Variants in ADRA1B observed in about 807,000 individuals in gnomAD.
ADRA1B encodes adrenoceptor alpha 1B.
In ADRA1B, 17 loss-of-function variants were observed where a neutral mutation model predicts 17.9. That is an observed-to-expected ratio of 0.95 (90% CI 0.65 to 1.42). The LOEUF (loss-of-function observed/expected upper bound fraction) is 1.42. Ranked by LOEUF, ADRA1B falls within the 40% of genes most tolerant of loss-of-function variation. The probability of loss-of-function intolerance (pLI) is 0.00; values close to 1 mark genes in which losing one functional copy is unlikely to be tolerated. For synonymous variants in ADRA1B, 366 were observed against 327.6 expected (o/e 1.12, Z -1.27); for missense variants, 681 against 722.1 (o/e 0.94, Z 0.65).
At chr5:159,904,343 C>T (rs57791007) in intron 1 of ADRA1B, among the ~76,000 whole-genome samples, 14,050 of 152,208 alleles carry the variant, frequency 0.092, 942 homozygotes, top group African/African-American at 0.19. Flanking sequence ...ATTCTAAATG[C>T]CTCTCTCCTA....
intron 1 of ADRA1B, among the ~76,000 whole-genome samples, chr5:159,954,781 C>T (rs1258292024): frequency 2.0e-5 from 3 of 152,270 alleles, no homozygotes; most frequent in East Asian, 3.9e-4. Context: ...ATCCAAGCTA[C>T]CATATGTAGC....
At chr5:159,949,301 C>T (rs776243682) in intron 1 of ADRA1B, among the ~76,000 whole-genome samples, 2 of 152,156 alleles carry the variant, frequency 1.3e-5, no homozygotes, top group Non-Finnish European at 2.9e-5. Flanking sequence ...AGCTCATTCA[C>T]GCTTTTAGAG....
chr5:159,983,801 C>T, the ADRA1B span, among the ~76,000 whole-genome samples: 1 of 152,088 alleles, frequency 6.6e-6, no homozygotes, highest in Non-Finnish European at 1.5e-5. Context: ...TTTTCTTCCT[C>T]TGTTGACCCA....
chr5:159,866,613 G>A (rs1231719312), intron 1 of ADRA1B, among the ~76,000 whole-genome samples: 2 of 150,028 alleles, frequency 1.3e-5, no homozygotes, highest in African/African-American at 4.9e-5. Flanking sequence ...AAAAAAGATA[G>A]TAATGGTACT....
intron 1 of ADRA1B, among the ~76,000 whole-genome samples, chr5:159,959,866 CCAGAAGTATTCT>C (rs1440858170): frequency 6.6e-6 from 1 of 151,518 alleles, no homozygotes; most frequent in African/African-American, 2.4e-5. Context: ...CTTCCCCACC[CCAGAAGTATTCT>C]CAGAGTTTAG....
chr5:159,868,587 G>A (rs1050023408), intron 1 of ADRA1B: 2 of 152,182 alleles, frequency 1.3e-5, no homozygotes, highest in Non-Finnish European at 2.9e-5. Context: ...ATTCAGAAAC[G>A]ATTTGGTGGA....
intron 1 of ADRA1B, among the ~76,000 whole-genome samples, chr5:159,919,080 A>G (rs1395167570): frequency 6.6e-6 from 1 of 152,248 alleles, no homozygotes; most frequent in African/African-American, 2.4e-5. Flanking sequence ...ACAGAAAGGA[A>G]GCAAACAGAT....
chr5:159,894,321 G>A (rs1003843961), intron 1 of ADRA1B, among the ~76,000 whole-genome samples: 3 of 152,210 alleles, frequency 2.0e-5, no homozygotes, highest in African/African-American at 7.2e-5. Flanking sequence ...TAACTAAAAC[G>A]CTTGTCACCA....
rs1207783607 is a variant in ADRA1B, at chr5:159,972,955, G to C, written c.*463G>C. Among the ~76,000 whole-genome samples, 1 of 152,196 alleles carries C rather than the reference G, an allele frequency of 6.6e-6. No homozygotes were observed. On this transcript the variant is annotated 3_prime_UTR_variant, in exon 2 of 2. Coordinates refer to ENST00000306675, the MANE Select transcript of ADRA1B (RefSeq NM_000679.4). ...AAGCCCCTCCTTGTACTTCACTGAA[G>C]GATGGCACTTTGGTGGGGTTGGAAA... is the stretch of plus-strand genomic sequence containing the variant.
chr5:159,951,609 A>G, intron 1 of ADRA1B: 1 of 411,406 alleles, frequency 2.4e-6, no homozygotes, highest in Non-Finnish European at 4.6e-6. Context: ...TGGATAGACG[A>G]GACCACTGTG....
chr5:159,986,812 G>A, the ADRA1B span, among the ~76,000 whole-genome samples: 671 of 152,212 alleles, frequency 4.4e-3, 5 homozygotes, highest in African/African-American at 0.016. Flanking sequence ...TAATTCCAGG[G>A]GCATGGGTGA....
the ADRA1B span, among the ~76,000 whole-genome samples, chr5:159,984,649 G>A: frequency 6.6e-6 from 1 of 151,980 alleles, no homozygotes; most frequent in South Asian, 2.1e-4. Context: ...TGTAATCCTA[G>A]CACTTTGAGA....
the ADRA1B span, among the ~76,000 whole-genome samples, chr5:159,979,932 A>T: frequency 3.4e-3 from 514 of 152,024 alleles, 6 homozygotes; most frequent in Middle Eastern, 0.017. Flanking sequence ...ACAAAGCATG[A>T]TGAGGAAGAG....
rs10522262 is a variant in ADRA1B at position 159,963,288 on chromosome 5, G to GTATATATATATATATATATATATATA, written c.950-8570_950-8569insATATATATATATATATATATATATAT. Reference sequence around the variant, plus strand: ...ACTTGACAGTGAATAAACAAAAAAAGTATATATATATATATATATATCCAC... The same window carrying GTATATATATATATATATATATATATA: ...ACTTGACAGTGAATAAACAAAAAAAGTATATATATATATATATATATATATATATATATATATATATATATATCCAC... On this transcript the variant is annotated intron_variant, in intron 1 of 1. Coordinates refer to ENST00000306675, the MANE Select transcript of ADRA1B (RefSeq NM_000679.4). Among the ~76,000 whole-genome samples, 189 of 132,616 alleles carry GTATATATATATATATATATATATATA rather than the reference G, an allele frequency of 1.4e-3. 1 individual carries two copies. The highest frequency in any genetic ancestry group is 3.9e-3 in the Middle Eastern group (1 of 254). The allele number at this position is 132,616 out of a possible 152,430, so 87.0% of individuals were successfully genotyped here.
At chr5:159,904,083 T>C (rs751928660) in intron 1 of ADRA1B, among the ~76,000 whole-genome samples, 2 of 152,228 alleles carry the variant, frequency 1.3e-5, no homozygotes, top group Non-Finnish European at 2.9e-5. Flanking sequence ...TCATTTTGTA[T>C]GTCTTTCCAT....
At chr5:159,952,291 C>A (rs922082847) in intron 1 of ADRA1B, among the ~76,000 whole-genome samples, 1 of 152,004 alleles carries the variant, frequency 6.6e-6, no homozygotes, top group South Asian at 2.1e-4. Context: ...AAATTAGGCA[C>A]AGTATGAGGT....
intron 1 of ADRA1B, among the ~76,000 whole-genome samples, chr5:159,894,589 G>C (rs1391433665): frequency 6.6e-6 from 1 of 151,392 alleles, no homozygotes; most frequent in Non-Finnish European, 1.5e-5. Flanking sequence ...TGCCGAACTT[G>C]TTTTTTTTTA....
At chr5:159,933,659 A>T (rs775104396) in intron 1 of ADRA1B, among the ~76,000 whole-genome samples, 1 of 152,350 alleles carries the variant, frequency 6.6e-6, no homozygotes, top group Admixed American at 6.5e-5. Context: ...CAGAGGAGAC[A>T]ACAGCCTCAG....
At chr5:159,909,212 C>A (rs1389345696) in intron 1 of ADRA1B, among the ~76,000 whole-genome samples, 2 of 152,180 alleles carry the variant, frequency 1.3e-5, no homozygotes, top group Non-Finnish European at 2.9e-5. Context: ...GTTCCCAAGT[C>A]ATGCCACATG....
Sources: allele counts gnomAD v4.1 joint callset (sites outside exome capture counted in the v4.1 genomes callset), GRCh38; gene constraint gnomAD v4.1.1; transcripts MANE v1.5; gene names NCBI Gene and HGNC (gene_info 2026-07-23, HGNC 2026-07-21).